Variants in SOX5 observed in about 807,000 individuals in gnomAD.
SOX5 encodes the protein transcription factor SOX-5.
SOX5 carries 9 observed loss-of-function variants against 92.0 expected under a neutral mutation model. The observed-to-expected ratio is 0.10, with a 90% CI of 0.06 to 0.17. The LOEUF (loss-of-function observed/expected upper bound fraction) is 0.17, where lower values mean the gene tolerates loss of function less well. SOX5 is among the 10% of genes least tolerant of loss of function. The probability of loss-of-function intolerance (pLI) is 1.00; values close to 1 mark genes in which losing one functional copy is unlikely to be tolerated. For missense variants in SOX5, 642 were observed against 944.5 expected (o/e 0.68, Z 4.20); for synonymous variants, 344 against 336.3 (o/e 1.02, Z -0.25).
chr12:24,242,284 A>G (rs1029433516), intron 3 of SOX5, among the ~76,000 whole-genome samples: 5 of 152,224 alleles, frequency 3.3e-5, no homozygotes, highest in African/African-American at 1.2e-4. Flanking sequence ...ATGGCTATAA[A>G]TACTGCACCT....
At chr12:23,563,188 A>T (rs1397897202) in intron 11 of SOX5, 70 bp downstream of exon 11, 8 of 1,255,208 alleles carry the variant, frequency 6.4e-6, no homozygotes, top group Admixed American at 2.1e-5. Context: ...ATGGAAATAT[A>T]TTTTTTTTAA....
chr12:23,771,821 GA>G (rs2094944786), intron 3 of SOX5, among the ~76,000 whole-genome samples: 1 of 152,120 alleles, frequency 6.6e-6, no homozygotes, highest in South Asian at 2.1e-4. Flanking sequence ...AACAGTGCCT[GA>G]AAGACCAGTA....
intron 1 of SOX5, among the ~76,000 whole-genome samples, chr12:24,467,669 G>A (rs1475122054): frequency 6.6e-6 from 1 of 152,006 alleles, no homozygotes; most frequent in Non-Finnish European, 1.5e-5. Flanking sequence ...ATTTTTTCCC[G>A]GATATGATGG....
intron 1 of SOX5, among the ~76,000 whole-genome samples, chr12:24,387,193 T>C (rs574490407): frequency 6.6e-6 from 1 of 152,360 alleles, no homozygotes; most frequent in Non-Finnish European, 1.5e-5. Flanking sequence ...AGTTGCTGGA[T>C]ACAGCATCTC....
chr12:24,416,360 C>T (rs1015981679), intron 1 of SOX5, among the ~76,000 whole-genome samples: 8 of 152,216 alleles, frequency 5.3e-5, no homozygotes, highest in African/African-American at 9.6e-5. Context: ...TATCCAGCCA[C>T]TTCCTCAGGC....
intron 2 of SOX5, among the ~76,000 whole-genome samples, chr12:23,861,336 T>C (rs550064087): frequency 5.9e-4 from 90 of 152,296 alleles, no homozygotes; most frequent in African/African-American, 2.0e-3. Context: ...TATTGAGTTG[T>C]GACTACAGGT....
intron 4 of SOX5, 102 bp downstream of exon 4, chr12:23,755,536 A>G (rs1036453857): frequency 1.3e-6 from 1 of 785,758 alleles, no homozygotes; most frequent in Non-Finnish European, 2.1e-6. Flanking sequence ...AGAATGCAAG[A>G]AGCAGAAGAG....
chr12:23,762,207 T>G (rs925329308), intron 3 of SOX5, among the ~76,000 whole-genome samples: 11 of 152,108 alleles, frequency 7.2e-5, no homozygotes, highest in Non-Finnish European at 1.5e-4. Flanking sequence ...TTACAGCTAG[T>G]CGGCCACTGG....
chr12:23,635,607 G>A (rs1178380017), intron 8 of SOX5, among the ~76,000 whole-genome samples: 1 of 151,988 alleles, frequency 6.6e-6, no homozygotes, highest in Non-Finnish European at 1.5e-5. Flanking sequence ...CACCAACATG[G>A]CACATGTATA....
chr12:24,313,731 CTCTT>C (rs1949430422), intron 2 of SOX5, among the ~76,000 whole-genome samples: 1 of 152,166 alleles, frequency 6.6e-6, no homozygotes, highest in Admixed American at 6.5e-5. Flanking sequence ...TTCATACGCT[CTCTT>C]TCTTTCCATT....
In SOX5 at chr12:23,674,424, G is replaced by A. The variant is rs541446198; in HGVS notation, c.811-8860C>T. Among the ~76,000 whole-genome samples the A allele has an allele frequency of 7.2e-3, 980 of 135,276 alleles. 3 individuals carry two copies. The highest frequency in any genetic ancestry group is 0.022 in the South Asian group (92 of 4,238). The allele number at this position is 135,276 out of a possible 152,430, so 88.7% of individuals were successfully genotyped here. A position where few individuals can be genotyped will look rare whatever the true frequency, so the allele number is the denominator to read the frequency against. On this transcript the variant is annotated intron_variant, in intron 6 of 14. Coordinates refer to ENST00000451604, the MANE Select transcript of SOX5 (RefSeq NM_006940.6). ...ACGATCTCGGCTCTCTGCAACCTCC[G>A]CCTCCCGGGTTCAAGCAATTCTCCT...
At chr12:24,099,794 T>A (rs1420530025) in intron 4 of SOX5, among the ~76,000 whole-genome samples, 4 of 152,056 alleles carry the variant, frequency 2.6e-5, no homozygotes, top group African/African-American at 9.7e-5. Flanking sequence ...AAGAAAAGGC[T>A]TCCTCCTCCC....
chr12:23,592,691 T>A (rs1951735949), intron 9 of SOX5, among the ~76,000 whole-genome samples: 2 of 152,202 alleles, frequency 1.3e-5, no homozygotes, highest in Non-Finnish European at 2.9e-5. Context: ...ATGTTTCAAA[T>A]TTAATATTGA....
intron 7 of SOX5, among the ~76,000 whole-genome samples, chr12:23,648,371 C>G (rs2081140742): frequency 1.3e-5 from 2 of 152,082 alleles, no homozygotes; most frequent in Non-Finnish European, 2.9e-5. Flanking sequence ...AAGCTAAATA[C>G]TTTTTATATG....
At chr12:23,626,135 A>T (rs1184094805) in intron 8 of SOX5, among the ~76,000 whole-genome samples, 2 of 152,146 alleles carry the variant, frequency 1.3e-5, no homozygotes, top group African/African-American at 4.8e-5. Flanking sequence ...ACGGAGAGAG[A>T]TAGTCAAGAA....
intron 1 of SOX5, among the ~76,000 whole-genome samples, chr12:24,426,736 G>A (rs534254029): frequency 2.1e-4 from 32 of 152,182 alleles, no homozygotes; most frequent in Middle Eastern, 3.4e-3. Flanking sequence ...CACAGAAAGC[G>A]TCCAGGACAA....
chr12:23,542,035 G>C (rs923134107), intron 13 of SOX5, among the ~76,000 whole-genome samples: 1 of 151,622 alleles, frequency 6.6e-6, no homozygotes. Flanking sequence ...GCTTGAACCC[G>C]GGAGGCGGAG....
At position 24,385,322 on chromosome 12, in the gene SOX5, T is replaced by C. The variant is rs191697690; in HGVS notation, c.-250-16683A>G. Among the ~76,000 whole-genome samples the C allele has an allele frequency of 9.2e-5, 14 of 152,340 alleles. No homozygotes were observed. The East Asian group carries it at 2.3e-3, about 25-fold the overall frequency. ...ATGACAACATAGGCTTTGTGTTAGA[T>C]GGTTTTGCCAAACTGTAGGTTAATG... On this transcript the variant is annotated intron_variant, in intron 1 of 4. Transcript: ENST00000446891.
chr12:24,055,111 A>T (rs1446236802), intron 4 of SOX5, among the ~76,000 whole-genome samples: 1 of 152,216 alleles, frequency 6.6e-6, no homozygotes, highest in Non-Finnish European at 1.5e-5. Context: ...GGTTCTGGAC[A>T]TCTTAACATA....
Sources: gnomAD v4.1 joint callset for allele counts (sites outside exome capture counted in the v4.1 genomes callset) on GRCh38, gnomAD v4.1.1 for gene constraint, MANE v1.5 for transcripts, NCBI Gene and HGNC (gene_info 2026-07-23, HGNC 2026-07-21) for gene names.